Variants in ANKFN1 observed in about 807,000 individuals in gnomAD.
ANKFN1 encodes the protein ankyrin repeat and fibronectin type III domain containing 1.
Under a neutral mutation model 108.7 loss-of-function variants are expected in ANKFN1, and 74 were observed. The observed-to-expected ratio is 0.68, with a 90% CI of 0.56 to 0.83. The LOEUF is 0.83. ANKFN1 is among the 40% of genes least tolerant of loss of function. The pLI, the probability that ANKFN1 is intolerant of heterozygous loss-of-function variation, is 0.00. For synonymous variants in ANKFN1, 547 were observed against 516.2 expected, an observed-to-expected ratio of 1.06 and a Z score of -0.81; for missense variants, 1,505 against 1,382.3, an observed-to-expected ratio of 1.09 and a Z score of -1.41.
chr17:56,293,156 T>G (rs16957057), intron 3 of ANKFN1, among the ~76,000 whole-genome samples: 9,481 of 152,250 alleles, frequency 0.062, 512 homozygotes, highest in African/African-American at 0.14. Flanking sequence ...CATTAAAAAT[T>G]TATGGTCTAG....
chr17:56,278,876 C>T (rs181808490), intron 3 of ANKFN1, among the ~76,000 whole-genome samples: 4 of 152,042 alleles, frequency 2.6e-5, no homozygotes, highest in East Asian at 1.9e-4. Context: ...TGTGAAACTA[C>T]GATATTTATT....
At chr17:56,286,112 TC>T (rs2044210405) in intron 3 of ANKFN1, among the ~76,000 whole-genome samples, 1 of 152,138 alleles carries the variant, frequency 6.6e-6, no homozygotes, top group Non-Finnish European at 1.5e-5. Flanking sequence ...AGCTGGTCCA[TC>T]CTTCAAGTCT....
At chr17:56,240,369 A>G (rs1917489191) in intron 3 of ANKFN1, among the ~76,000 whole-genome samples, 1 of 152,122 alleles carries the variant, frequency 6.6e-6, no homozygotes, top group Non-Finnish European at 1.5e-5. Context: ...ACATGTGGGT[A>G]TGATTTGCTA....
chr17:56,216,989 G>T (rs753695240), intron 2 of ANKFN1, among the ~76,000 whole-genome samples: 1 of 152,196 alleles, frequency 6.6e-6, no homozygotes, highest in Non-Finnish European at 1.5e-5. Context: ...TGACAATGGT[G>T]CAGTCAAAGC....
chr17:56,140,952 G>A (rs558834941), intron 4 of ANKFN1, among the ~76,000 whole-genome samples: 1 of 152,276 alleles, frequency 6.6e-6, no homozygotes, highest in South Asian at 2.1e-4. Flanking sequence ...GTCACATCAT[G>A]TGTTTCTTTA....
rs778366155 is a variant in ANKFN1, at chr17:56,513,005, A to G, written c.*1736A>G. ...TTCTGTCTAAGTGAATTCTATGTGC[A>G]TGGAGAGTGTTAGAACTAGACGGGC... On this transcript the variant is annotated 3_prime_UTR_variant, in exon 21 of 21. Transcript: ENST00000682825. Among the ~76,000 whole-genome samples, 11 of 152,196 alleles carry G rather than the reference A, an allele frequency of 7.2e-5. No individual in the cohort carries two copies.
At position 56,516,534 on chromosome 17, in the gene ANKFN1, T is replaced by A. The variant is rs1395637473; in HGVS notation, c.*5265T>A. ...CCTCTGTAAACATGCAGATGAATCA[T>A]GTATGGTGTGTTAAATGTGACTTCC... is the stretch of plus-strand genomic sequence containing the variant. On this transcript the variant is annotated 3_prime_UTR_variant, in exon 21 of 21. Coordinates refer to ENST00000682825, the MANE Select transcript of ANKFN1 (RefSeq NM_001370326.1). Among the ~76,000 whole-genome samples, 1 of 152,220 alleles carries A rather than the reference T, an allele frequency of 6.6e-6. No individual in the cohort carries two copies. The highest frequency in any genetic ancestry group is 1.5e-5 in the Non-Finnish European group (1 of 68,038).
intron 8 of ANKFN1, among the ~76,000 whole-genome samples, chr17:56,383,005 C>A (rs1393995808): frequency 7.2e-5 from 11 of 152,184 alleles, no homozygotes; most frequent in Admixed American, 7.2e-4. Flanking sequence ...GAACTCTCCA[C>A]CCCAAATCAA....
chr17:56,510,724 T>C lies in ANKFN1; in HGVS notation c.2896T>C (p.Cys966Arg). The C allele has an allele frequency of 6.5e-7, 1 of 1,536,100 alleles. No homozygotes were observed. Among genetic ancestry groups the C allele is most frequent in the Non-Finnish European group, 8.7e-7 (1 of 1,146,894 alleles). ...QGEGPNPDHS[C>R]AEFLHSLTLT... The stretch of plus-strand genomic sequence containing the variant: ...CGAGGGCCCAAATCCCGATCACTCA[T>C]GTGCCGAGTTTCTCCATAGCCTGAC... Residue 966 changes from cysteine to arginine, a missense_variant, in exon 21 of 21, where the codon TGT (cysteine) becomes CGT (arginine). By Grantham distance (180) the Cys-to-Arg change is radical (BLOSUM62 -3). Transcript: ENST00000682825.
chr17:56,114,696 G>A (rs899681154), intron 4 of ANKFN1, among the ~76,000 whole-genome samples: 1 of 152,180 alleles, frequency 6.6e-6, no homozygotes, highest in Non-Finnish European at 1.5e-5. Context: ...ACATGGCAAA[G>A]GGGAATTAAG....
At chr17:56,227,355 A>G (rs1287055435) in intron 2 of ANKFN1, among the ~76,000 whole-genome samples, 3 of 152,174 alleles carry the variant, frequency 2.0e-5, no homozygotes, top group Non-Finnish European at 4.4e-5. Context: ...TCTTGAATAA[A>G]TAGAAACTTG....
At chr17:56,507,067 A>C (rs2051594763) in intron 20 of ANKFN1, among the ~76,000 whole-genome samples, 1 of 152,202 alleles carries the variant, frequency 6.6e-6, no homozygotes, top group South Asian at 2.1e-4. Context: ...TGATCAGATA[A>C]ATGAAGAAGG....
intron 1 of ANKFN1, among the ~76,000 whole-genome samples, chr17:56,155,333 T>C (rs1221203580): frequency 6.6e-6 from 1 of 152,218 alleles, no homozygotes; most frequent in Non-Finnish European, 1.5e-5. Context: ...GCAAGCAAGC[T>C]ACCTTTCTTC....
At chr17:56,192,230 C>T (rs1193702922) in intron 1 of ANKFN1, among the ~76,000 whole-genome samples, 1 of 148,762 alleles carries the variant, frequency 6.7e-6, no homozygotes, top group Admixed American at 6.8e-5. Flanking sequence ...CCCTTCCTTA[C>T]ACCTTATACA....
intron 3 of ANKFN1, among the ~76,000 whole-genome samples, chr17:56,304,468 T>G (rs1425166235): frequency 1.3e-5 from 2 of 152,210 alleles, no homozygotes; most frequent in Non-Finnish European, 2.9e-5. Context: ...GTACAGATTT[T>G]TGTGCAAACC....
At chr17:56,062,840 G>A (rs9911140) in intron 4 of ANKFN1, among the ~76,000 whole-genome samples, 88,031 of 151,866 alleles carry the variant, frequency 0.58, 26,287 homozygotes, top group Middle Eastern at 0.69. Context: ...TTTTATTTTG[G>A]TGTGTTTTTG....
intron 1 of ANKFN1, among the ~76,000 whole-genome samples, chr17:56,173,154 C>G (rs1237254137): frequency 6.6e-6 from 1 of 152,186 alleles, no homozygotes; most frequent in African/African-American, 2.4e-5. Flanking sequence ...CAAATGTCAG[C>G]TTGCCTGTGG....
In ANKFN1 at chr17:56,483,444, G is replaced by A. The variant is rs189239815; in HGVS notation, c.2260+920G>A. 2.0e-5 allele frequency among the ~76,000 whole-genome samples: 3 copies of A among 152,340 alleles called. No individual in the cohort carries two copies. In the East Asian group the frequency reaches 5.8e-4, roughly 29 times the overall value. The stretch of plus-strand genomic sequence containing the variant: ...GGCCACTGCCTGATGTCTCATTTGA[G>A]CCCTGGGCAACTGCATCTGAATTTA... On this transcript the variant is annotated intron_variant, in intron 18 of 20. Coordinates refer to ENST00000682825, the MANE Select transcript of ANKFN1 (RefSeq NM_001370326.1).
At chr17:56,216,948 G>A (rs1034641733) in intron 2 of ANKFN1, among the ~76,000 whole-genome samples, 2 of 152,074 alleles carry the variant, frequency 1.3e-5, no homozygotes, top group African/African-American at 2.4e-5. Flanking sequence ...ATAAAAGGAA[G>A]AAAAAGAAAA....
Sources: gnomAD v4.1 joint callset for allele counts (sites outside exome capture counted in the v4.1 genomes callset) on GRCh38, gnomAD v4.1.1 for gene constraint, MANE v1.5 for transcripts, NCBI Gene and HGNC (gene_info 2026-07-23, HGNC 2026-07-21) for gene names.